The following UBL3 variants were observed in gnomAD, a reference collection of about 807,000 sequenced individuals.
The protein encoded by UBL3 is ubiquitin-like protein 3.
UBL3 carries 6 observed loss-of-function variants against 18.4 expected under a neutral mutation model. The observed-to-expected ratio is 0.33, with a 90% CI of 0.18 to 0.64. The LOEUF (loss-of-function observed/expected upper bound fraction) is 0.64, where lower values mean the gene tolerates loss of function less well. Ranked by LOEUF, UBL3 falls within the 30% of genes least tolerant of loss-of-function variation. The pLI, the probability that UBL3 is intolerant of heterozygous loss-of-function variation, is 0.76. For synonymous variants in UBL3, 49 were observed against 46.6 expected, an observed-to-expected ratio of 1.05 and a Z score of -0.21; for missense variants, 109 against 142.9, an observed-to-expected ratio of 0.76 and a Z score of 1.21.
intron 1 of UBL3, among the ~76,000 whole-genome samples, chr13:29,838,569 G>C (rs560785389): frequency 2.2e-4 from 33 of 152,186 alleles, no homozygotes; most frequent in African/African-American, 7.9e-4. Context: ...AAGTGGCAAA[G>C]GCAAAAATTT....
At chr13:29,837,084 TCAATGTTTTTCTAACTACTCAC>T (rs1289466939) in intron 1 of UBL3, among the ~76,000 whole-genome samples, 1 of 152,206 alleles carries the variant, frequency 6.6e-6, no homozygotes, top group African/African-American at 2.4e-5. Context: ...ATCAAAGTAA[TCAATGTTTTTCTAACTACTCAC>T]CAGAGGATAT....
At chr13:29,812,397 T>C (rs2139341798) in intron 1 of UBL3, among the ~76,000 whole-genome samples, 1 of 152,208 alleles carries the variant, frequency 6.6e-6, no homozygotes, top group South Asian at 2.1e-4. Flanking sequence ...TAATACACTC[T>C]TAGCCAAGTG....
chr13:29,810,495 G>C (rs2139340238), intron 1 of UBL3, among the ~76,000 whole-genome samples: 1 of 152,208 alleles, frequency 6.6e-6, no homozygotes, highest in Non-Finnish European at 1.5e-5. Context: ...ACCAAAAGAA[G>C]AAAGTGTTTA....
intron 1 of UBL3, among the ~76,000 whole-genome samples, chr13:29,826,670 G>A (rs1878628012): frequency 6.6e-6 from 1 of 151,976 alleles, no homozygotes; most frequent in African/African-American, 2.4e-5. Context: ...AGGGTTTTTT[G>A]TGTCTCTATC....
intron 1 of UBL3, among the ~76,000 whole-genome samples, chr13:29,847,529 A>C (rs1305910719): frequency 2.0e-5 from 3 of 152,192 alleles, no homozygotes; most frequent in African/African-American, 7.2e-5. Flanking sequence ...CCTCTCTCTG[A>C]CTTGGAAACA....
Position 29,765,559 on chromosome 13 carries a change from G to C in UBL3, c.*1696C>G, listed in dbSNP as rs1004696479. The C allele has an allele frequency of 6.6e-6, 1 of 151,798 alleles. No homozygotes were observed. Among genetic ancestry groups the C allele is most frequent in the Middle Eastern group, 3.2e-3 (1 of 316 alleles). 9.4% of individuals were successfully genotyped at this position (151,798 alleles called of 1,614,324 possible). ...TGAAAGTAGAAAACATGAATGAGAC[G>C]GTGCTTAAACAATTATTGACCTAAT... is the stretch of plus-strand genomic sequence containing the variant. On this transcript the variant is annotated 3_prime_UTR_variant, in exon 5 of 5. Coordinates refer to ENST00000380680, the MANE Select transcript of UBL3 (RefSeq NM_007106.4).
At chr13:29,845,819 T>C (rs1206009329) in intron 1 of UBL3, among the ~76,000 whole-genome samples, 4 of 152,154 alleles carry the variant, frequency 2.6e-5, no homozygotes, top group East Asian at 1.9e-4. Context: ...TTGACCGTTT[T>C]ATCAACTAAA....
At chr13:29,780,390 A>G (rs11618146) in intron 1 of UBL3, among the ~76,000 whole-genome samples, 48,415 of 91,098 alleles carry the variant, frequency 0.53, 13,455 homozygotes, top group Non-Finnish European at 0.58. Context: ...ATATATATAT[A>G]TGTGTGTGTG....
chr13:29,841,897 T>C lies in UBL3; in HGVS notation c.27+7615A>G, dbSNP rs188285862. 2.6e-5 allele frequency among the ~76,000 whole-genome samples: 4 copies of C among 152,206 alleles called. No individual in the cohort carries two copies. In the East Asian group the frequency reaches 7.7e-4, roughly 29 times the overall value. ...GATAGAAGACCAACAGGTAAAAAGTTTTTCCTATGGCCACACTGCAGCTCC... is the reference window on the plus strand; with the variant it reads ...GATAGAAGACCAACAGGTAAAAAGTCTTTCCTATGGCCACACTGCAGCTCC... On this transcript the variant is annotated intron_variant, in intron 1 of 4. Coordinates refer to ENST00000380680, the MANE Select transcript of UBL3 (RefSeq NM_007106.4).
At chr13:29,780,367 AATATAT>A (rs67385106) in intron 1 of UBL3, among the ~76,000 whole-genome samples, 3 of 103,308 alleles carry the variant, frequency 2.9e-5, no homozygotes, top group African/African-American at 1.2e-4. Flanking sequence ...AAAAAAAAAA[AATATAT>A]ATATATATAT....
intron 1 of UBL3, among the ~76,000 whole-genome samples, chr13:29,835,083 A>AATATAAATATATATATAT (rs773351498): frequency 8.1e-5 from 7 of 86,280 alleles, no homozygotes; most frequent in South Asian, 3.4e-4. Flanking sequence ...AAAATATATA[A>AATATAAATATATATATAT]ATATAAATAT....
At chr13:29,788,842 T>TGTGTGC (rs1247796728) in intron 1 of UBL3, among the ~76,000 whole-genome samples, 2 of 13,086 alleles carry the variant, frequency 1.5e-4, no homozygotes, top group African/African-American at 5.3e-4. Flanking sequence ...TGGGGAAGTG[T>TGTGTGC]GTGTGTGTGT....
At chr13:29,767,515 C>T (rs1593646946) in intron 4 of UBL3, 103 bp downstream of exon 4, 2 of 1,312,674 alleles carry the variant, frequency 1.5e-6, no homozygotes, top group East Asian at 4.8e-5. Flanking sequence ...TATTCATAAA[C>T]TATGCAAACT....
chr13:29,828,919 T>C (rs1210610983), intron 1 of UBL3, among the ~76,000 whole-genome samples: 2 of 152,198 alleles, frequency 1.3e-5, no homozygotes, highest in Non-Finnish European at 2.9e-5. Flanking sequence ...GGAAGGTCTG[T>C]TGTAGTTTGC....
intron 3 of UBL3, 109 bp downstream of exon 3, chr13:29,772,003 T>G: frequency 2.1e-6 from 2 of 965,862 alleles, no homozygotes; most frequent in Non-Finnish European, 3.1e-6. Flanking sequence ...GAATTCATAG[T>G]TTGAATTTAT....
chr13:29,770,476 T>C (rs1876813743), intron 3 of UBL3, among the ~76,000 whole-genome samples: 1 of 152,048 alleles, frequency 6.6e-6, no homozygotes, highest in Non-Finnish European at 1.5e-5. Flanking sequence ...AAATCAATAG[T>C]TTTGATTTTA....
At chr13:29,767,355 A>C (rs1325592644) in intron 4 of UBL3, 48 bp from the exon 5 acceptor site, 1 of 1,606,646 alleles carries the variant, frequency 6.2e-7, no homozygotes, top group Non-Finnish European at 8.5e-7. Flanking sequence ...CTAGAACTGG[A>C]GGGGAAAATG....
chr13:29,780,286 G>C (rs1877113500), intron 1 of UBL3, among the ~76,000 whole-genome samples: 1 of 146,240 alleles, frequency 6.8e-6, no homozygotes, highest in Admixed American at 6.9e-5. Flanking sequence ...CCTGGGAGGT[G>C]GAGCTTGCAG....
intron 1 of UBL3, among the ~76,000 whole-genome samples, chr13:29,847,128 C>G (rs1003646978): frequency 6.6e-6 from 1 of 152,114 alleles, no homozygotes; most frequent in African/African-American, 2.4e-5. Context: ...GTTGAGAATT[C>G]TAGGCACATA....
Sources: allele counts gnomAD v4.1 joint callset (sites outside exome capture counted in the v4.1 genomes callset), GRCh38; gene constraint gnomAD v4.1.1; transcripts MANE v1.5; gene names NCBI Gene and HGNC (gene_info 2026-07-23, HGNC 2026-07-21).